VPS35L: variants seen among roughly 807,000 people sequenced by gnomAD.
VPS35L encodes VPS35 endosomal protein-sorting factor-like.
Under a neutral mutation model 133.0 loss-of-function variants are expected in VPS35L, and 83 were observed. The observed-to-expected ratio is 0.62, with a 90% CI of 0.52 to 0.75. The LOEUF is 0.75. VPS35L is among the 30% of genes least tolerant of loss of function. The probability of loss-of-function intolerance (pLI) is 0.00; values close to 1 mark genes in which losing one functional copy is unlikely to be tolerated. For synonymous variants in VPS35L, 423 were observed against 449.9 expected (o/e 0.94, Z 0.76); for missense variants, 1,083 against 1,206.8 (o/e 0.90, Z 1.52).
intron 19 of VPS35L, among the ~76,000 whole-genome samples, chr16:19,636,890 C>T (rs935429744): frequency 2.0e-5 from 3 of 152,188 alleles, no homozygotes; most frequent in Admixed American, 6.5e-5. Context: ...AGGCAGACCT[C>T]ACAGACTGTG....
rs560439098 is a variant in VPS35L at position 19,666,229 on chromosome 16, G to A, written c.2222-2931G>A. On this transcript the variant is annotated intron_variant, in intron 26 of 30. Transcript: ENST00000417362. ...TTGCTTTGGTTGCCTGTGCTTGTGG[G>A]GTATTACTCAAAGAGGGGACAATAT... Among the ~76,000 whole-genome samples the A allele has an allele frequency of 2.6e-5, 4 of 151,842 alleles. No homozygotes were observed. In the South Asian group the frequency reaches 8.4e-4, roughly 32 times the overall value.
At chr16:19,635,221 G>T (rs8047059) in intron 19 of VPS35L, among the ~76,000 whole-genome samples, 2,253 of 152,146 alleles carry the variant, frequency 0.015, 67 homozygotes, top group African/African-American at 0.052. Flanking sequence ...GGTGGTGCAT[G>T]CCTGTAGTTC....
At chr16:19,579,155 G>A (rs1219611090) in intron 6 of VPS35L, 27 bp downstream of exon 6, 1 of 1,604,136 alleles carries the variant, frequency 6.2e-7, no homozygotes, top group Non-Finnish European at 8.5e-7. Context: ...TGGAATACAG[G>A]GAGTGGGAGA....
At chr16:19,561,175 C>T (rs1312490252) in intron 1 of VPS35L, among the ~76,000 whole-genome samples, 4 of 152,130 alleles carry the variant, frequency 2.6e-5, no homozygotes, top group Non-Finnish European at 5.9e-5. Flanking sequence ...CGAGACCATC[C>T]TGGCTAACAC....
At chr16:19,562,999 A>G (rs547769097) in intron 1 of VPS35L, among the ~76,000 whole-genome samples, 12 of 152,172 alleles carry the variant, frequency 7.9e-5, no homozygotes, top group Non-Finnish European at 1.5e-4. Flanking sequence ...TCCTGGGCTC[A>G]AGCAGTCCAC....
chr16:19,593,444 C>T (rs891915901), intron 8 of VPS35L, among the ~76,000 whole-genome samples: 8 of 152,250 alleles, frequency 5.3e-5, no homozygotes, highest in Non-Finnish European at 1.2e-4. Flanking sequence ...TCATTCATTT[C>T]TGTGCATCCC....
At chr16:19,585,823 C>T (rs1971846543) in intron 7 of VPS35L, among the ~76,000 whole-genome samples, 1 of 152,094 alleles carries the variant, frequency 6.6e-6, no homozygotes, top group South Asian at 2.1e-4. Context: ...GCTTATTGGC[C>T]ATTTGTATAT....
intron 8 of VPS35L, among the ~76,000 whole-genome samples, chr16:19,599,139 G>C (rs1161966541): frequency 2.6e-5 from 4 of 152,204 alleles, no homozygotes; most frequent in Non-Finnish European, 5.9e-5. Context: ...TGTTCTCTAA[G>C]GCCTTCCAGG....
chr16:19,636,669 G>A (rs1307142376), intron 19 of VPS35L, among the ~76,000 whole-genome samples: 1 of 152,200 alleles, frequency 6.6e-6, no homozygotes, highest in Non-Finnish European at 1.5e-5. Flanking sequence ...GAACATGAGA[G>A]ATTTTCTTTG....
In VPS35L at chr16:19,556,872, C is replaced by T. The variant is rs531428134; in HGVS notation, c.17+1126C>T. 4.0e-5 allele frequency among the ~76,000 whole-genome samples: 6 copies of T among 150,020 alleles called. No individual in the cohort carries two copies. The East Asian group carries it at 9.9e-4, about 25-fold the overall frequency. On this transcript the variant is annotated intron_variant, in intron 1 of 30. Coordinates refer to ENST00000417362, the MANE Select transcript of VPS35L (RefSeq NM_020314.7). ...GGGTATGGTGGCTCACGCCTGTAAT[C>T]CCAGCACTTTGGGAGGCCGAGGCTG...
At chr16:19,658,723 G>A (rs1249736078) in intron 26 of VPS35L, among the ~76,000 whole-genome samples, 1 of 152,094 alleles carries the variant, frequency 6.6e-6, no homozygotes, top group Admixed American at 6.6e-5. Flanking sequence ...GAGCCTGGAA[G>A]GTCAGGGAAT....
chr16:19,625,776 C>T (rs1449133398), intron 14 of VPS35L, among the ~76,000 whole-genome samples: 3 of 152,056 alleles, frequency 2.0e-5, no homozygotes, highest in Non-Finnish European at 4.4e-5. Context: ...TGGGTTCAAG[C>T]GATTCTCCTT....
At chr16:19,592,689 ATTTTTTT>A (rs770439941) in intron 8 of VPS35L, among the ~76,000 whole-genome samples, 1 of 138,280 alleles carries the variant, frequency 7.2e-6, no homozygotes, top group Non-Finnish European at 1.6e-5. Context: ...CACTGTTAAA[ATTTTTTT>A]TTTTTTTTTT....
intron 24 of VPS35L, among the ~76,000 whole-genome samples, chr16:19,650,147 C>T (rs1974078616): frequency 6.6e-6 from 1 of 152,182 alleles, no homozygotes; most frequent in African/African-American, 2.4e-5. Flanking sequence ...AAAGGCATGA[C>T]TGACGTAGCC....
Position 19,581,593 on chromosome 16 carries a change from A to G in VPS35L, c.579A>G (p.Gln193=), listed in dbSNP as rs750155262. ...TGAACCGCATAGAGGAGCTCAACCA[A>G]TCGCTGAAGGATGCCTGGGCCTCAG... The part of the protein sequence containing the change: ...DYVNRIEELN[Q]SLKDAWASDQ... The change falls in exon 7 of 31, where the codon CAA becomes CAG. Residue 193 remains glutamine (Q), a synonymous_variant. Coordinates refer to ENST00000417362, the MANE Select transcript of VPS35L (RefSeq NM_020314.7). The G allele has an allele frequency of 6.2e-6, 10 of 1,614,130 alleles. No individual in the cohort carries two copies. The highest frequency in any genetic ancestry group is 2.2e-5 in the East Asian group (1 of 44,868).
chr16:19,587,063 G>A (rs1252828928), intron 7 of VPS35L, among the ~76,000 whole-genome samples: 1 of 151,942 alleles, frequency 6.6e-6, no homozygotes, highest in Non-Finnish European at 1.5e-5. Context: ...AGGGGAAGCA[G>A]GTACATCTTT....
Position 19,605,044 on chromosome 16 carries a change from G to T in VPS35L, c.785-3134G>T, listed in dbSNP as rs557249483. On this transcript the variant is annotated intron_variant, in intron 9 of 30. Coordinates refer to ENST00000417362, the MANE Select transcript of VPS35L (RefSeq NM_020314.7). ...TTCCCATCTTCAGTTTTCCCCTGTGGCTGATGTGGGCCACATCGGGATAAG... is the reference window on the plus strand; with the variant it reads ...TTCCCATCTTCAGTTTTCCCCTGTGTCTGATGTGGGCCACATCGGGATAAG... Among the ~76,000 whole-genome samples, 19 of 152,234 alleles carry T rather than the reference G, an allele frequency of 1.2e-4. No individual in the cohort carries two copies. The East Asian group carries it at 3.3e-3, about 26-fold the overall frequency.
Position 19,628,693 on chromosome 16 carries a change from T to G in VPS35L, c.1440T>G (p.Ser480Arg). 6.2e-7 allele frequency: 1 copy of G among 1,602,050 alleles called. No homozygotes were observed. Among genetic ancestry groups the G allele is most frequent in the Non-Finnish European group, 8.5e-7 (1 of 1,172,744 alleles). Residue 480 changes from serine (S) to arginine (R), a missense_variant, in exon 17 of 31, where the codon AGT (serine) becomes AGG (arginine). Coordinates refer to ENST00000417362, the MANE Select transcript of VPS35L (RefSeq NM_020314.7). The stretch of plus-strand genomic sequence containing the variant: ...TGGCCTTGGCTGATCCTCCTGAGAG[T>G]GACCGACTTCAGATTCTCAACGAAG... ...LNLALADPPE[S>R]DRLQILNEAW...
At chr16:19,695,026 C>G (rs866028939) in intron 29 of VPS35L, among the ~76,000 whole-genome samples, 45 of 141,056 alleles carry the variant, frequency 3.2e-4, no homozygotes, top group African/African-American at 1.3e-3. Flanking sequence ...AAAAAAAAGA[C>G]AGAGCTCAAG....
Sources: gnomAD v4.1 joint callset for allele counts (sites outside exome capture counted in the v4.1 genomes callset) on GRCh38, gnomAD v4.1.1 for gene constraint, MANE v1.5 for transcripts, NCBI Gene and HGNC (gene_info 2026-07-23, HGNC 2026-07-21) for gene names.